The following PTPRN2 variants were observed in gnomAD, a reference collection of about 807,000 sequenced individuals.
PTPRN2 encodes the protein protein tyrosine phosphatase receptor type N2, also known as receptor-type tyrosine-protein phosphatase N2.
A neutral mutation model predicts 118.8 loss-of-function variants in PTPRN2; 74 were observed. The ratio of observed to expected loss-of-function variants is 0.62; its 90% confidence interval spans 0.52 to 0.76. The LOEUF (loss-of-function observed/expected upper bound fraction) is 0.76, where lower values mean the gene tolerates loss of function less well. PTPRN2 is among the 30% of genes least tolerant of loss of function. The pLI is 0.00. For missense variants in PTPRN2, 1,481 were observed against 1,394.4 expected (o/e 1.06, Z -0.99); for synonymous variants, 641 against 608.0 (o/e 1.05, Z -0.80).
chr7:158,463,499 TCAC>T (rs1819156348), intron 2 of PTPRN2, among the ~76,000 whole-genome samples: 1 of 151,940 alleles, frequency 6.6e-6, no homozygotes. Context: ...ACCATTACCA[TCAC>T]CACCATCATC....
chr7:158,217,054 A>T (rs1828004686), intron 3 of PTPRN2, among the ~76,000 whole-genome samples: 1 of 152,268 alleles, frequency 6.6e-6, no homozygotes, highest in African/African-American at 2.4e-5. Flanking sequence ...TGGCACATAC[A>T]GTTAAAACTG....
At chr7:157,806,670 C>T (rs1452775524) in intron 12 of PTPRN2, among the ~76,000 whole-genome samples, 2 of 152,200 alleles carry the variant, frequency 1.3e-5, no homozygotes, top group African/African-American at 2.4e-5. Context: ...TCTGTCTCTG[C>T]ATTCTTACTG....
At chr7:158,212,247 G>T (rs548285978) in intron 3 of PTPRN2, among the ~76,000 whole-genome samples, 60 of 152,110 alleles carry the variant, frequency 3.9e-4, no homozygotes, top group African/African-American at 1.4e-3. Flanking sequence ...GGCAGGGGGC[G>T]GGGGGCAAGT....
intron 2 of PTPRN2, among the ~76,000 whole-genome samples, chr7:158,443,443 G>A (rs766897057): frequency 1.3e-5 from 2 of 152,246 alleles, no homozygotes; most frequent in East Asian, 1.9e-4. Context: ...CCCCACTGAC[G>A]GGTCTGTAAG....
chr7:158,077,938 C>T (rs956224773), intron 11 of PTPRN2, among the ~76,000 whole-genome samples: 2 of 152,140 alleles, frequency 1.3e-5, no homozygotes, highest in Non-Finnish European at 2.9e-5. Context: ...AGCTACCAGT[C>T]ATTTCTATGT....
At chr7:158,522,331 G>A (rs1388928896) in intron 1 of PTPRN2, among the ~76,000 whole-genome samples, 2 of 121,754 alleles carry the variant, frequency 1.6e-5, no homozygotes, top group African/African-American at 3.4e-5. Flanking sequence ...GGCTCGGGAG[G>A]GAGGTCCACG....
At chr7:157,747,393 G>C (rs1412696271) in intron 12 of PTPRN2, among the ~76,000 whole-genome samples, 21 of 104,696 alleles carry the variant, frequency 2.0e-4, no homozygotes, top group African/African-American at 6.4e-4. Flanking sequence ...GTGGGCTGTT[G>C]AGGTGATTCT....
chr7:158,373,262 G>A (rs1416478790), intron 2 of PTPRN2, among the ~76,000 whole-genome samples: 1 of 152,208 alleles, frequency 6.6e-6, no homozygotes, highest in East Asian at 1.9e-4. Context: ...TTGACCTCGG[G>A]GCCCGGCCTA....
In PTPRN2 at chr7:158,519,855, C is replaced by T. The variant is rs186818857; in HGVS notation, c.113-30070G>A. On this transcript the variant is annotated intron_variant, in intron 1 of 22. Transcript: ENST00000389418. ...TGGAAATTCTCCATTTTCCCCACAA[C>T]GCCAGCACGGTCACACTCTGCAAGC... Among the ~76,000 whole-genome samples the T allele has an allele frequency of 1.2e-4, 18 of 152,314 alleles. 1 individual carries two copies. The East Asian group carries it at 1.9e-3, about 16-fold the overall frequency.
intron 15 of PTPRN2, chr7:157,614,165 G>C (rs954799860): frequency 2.2e-6 from 1 of 461,784 alleles, no homozygotes; most frequent in Non-Finnish European, 4.5e-6. Context: ...GGGAGGACAG[G>C]GGAGGGCCAG....
rs1805270397 is a variant in PTPRN2 at position 157,801,133 on chromosome 7, A to G, written c.1788+97540T>C. ...TATATGAATACCCAATACCCAATCC[A>G]CAGCTTTCTCTTTGTGGTGCTTATG... is the stretch of plus-strand genomic sequence containing the variant. On this transcript the variant is annotated intron_variant, in intron 12 of 22. Transcript: ENST00000389418. This position sits in a 1 kb window ranked among gnomAD's most constrained non-coding sequence, Gnocchi z 4.2. Among the ~76,000 whole-genome samples the G allele has an allele frequency of 6.6e-6, 1 of 151,810 alleles. No individual in the cohort carries two copies. Among genetic ancestry groups the G allele is most frequent in the Non-Finnish European group, 1.5e-5 (1 of 67,988 alleles).
At chr7:157,820,015 CACAT>C (rs1806712371) in intron 12 of PTPRN2, among the ~76,000 whole-genome samples, 1 of 151,508 alleles carries the variant, frequency 6.6e-6, no homozygotes, top group Non-Finnish European at 1.5e-5. Context: ...ACTCCACACA[CACAT>C]GCACACACAC....
chr7:158,584,837 C>A (rs769447111), intron 1 of PTPRN2, among the ~76,000 whole-genome samples: 5 of 152,170 alleles, frequency 3.3e-5, no homozygotes, highest in Non-Finnish European at 7.4e-5. Context: ...ATGAGAAAGG[C>A]CCCTTGCTCA....
intron 3 of PTPRN2, among the ~76,000 whole-genome samples, chr7:158,251,396 A>G (rs914148492): frequency 3.3e-5 from 5 of 151,742 alleles, no homozygotes; most frequent in Admixed American, 2.6e-4. Context: ...ATGGATGTAT[A>G]CAGTGCATGT....
rs555190376 is a variant in PTPRN2, at chr7:158,304,910, A to C, written c.277+11909T>G. Among the ~76,000 whole-genome samples, 110 of 152,382 alleles carry C rather than the reference A, an allele frequency of 7.2e-4. 1 individual carries two copies. The highest frequency in any genetic ancestry group is 1.1e-3 in the Admixed American group (17 of 15,308). On this transcript the variant is annotated intron_variant, in intron 3 of 22. Transcript: ENST00000389418. ...GGAAAAGGGATTCTCTACAGAATGT[A>C]GACATTTCCCAGGAGAGACAGCTTT...
At chr7:157,809,147 G>A (rs571746548) in intron 12 of PTPRN2, among the ~76,000 whole-genome samples, 1 of 152,258 alleles carries the variant, frequency 6.6e-6, no homozygotes, top group African/African-American at 2.4e-5. Flanking sequence ...AAGTAAGAAG[G>A]TTTCGAAAGC....
chr7:158,205,053 C>T (rs1427833365), intron 4 of PTPRN2, 118 bp downstream of exon 4: 3 of 880,216 alleles, frequency 3.4e-6, no homozygotes, highest in South Asian at 1.7e-5. Context: ...GAAACGTCTG[C>T]ACCAGAAAGA....
chr7:158,040,736 C>CTTTTTTTTTTTTTTTTT lies in PTPRN2; in HGVS notation c.1723+40561_1723+40562insAAAAAAAAAAAAAAAAA, dbSNP rs58192875. The stretch of plus-strand genomic sequence containing the variant: ...TTGATCTGCCTTTCTTTTTTTCTTT[C>CTTTTTTTTTTTTTTTTT]TTTTTTTTTTTTTTGAGATGGAATC... On this transcript the variant is annotated intron_variant, in intron 11 of 22. Coordinates refer to ENST00000389418, the MANE Select transcript of PTPRN2 (RefSeq NM_002847.5). 2.7e-4 allele frequency among the ~76,000 whole-genome samples: 38 copies of CTTTTTTTTTTTTTTTTT among 142,184 alleles called. 1 individual carries two copies. The highest frequency in any genetic ancestry group is 3.6e-4 in the Non-Finnish European group (24 of 65,884). 93.3% of individuals were successfully genotyped at this position (142,184 alleles called of 152,430 possible).
Position 158,171,308 on chromosome 7 carries a change from CATATATATATATATATATATATATAT to C in PTPRN2, c.550-4043_550-4018del, listed in dbSNP as rs71198580. Among the ~76,000 whole-genome samples, 13 of 48,678 alleles carry C rather than the reference CATATATATATATATATATATATATAT, an allele frequency of 2.7e-4. 1 individual carries two copies. The highest frequency in any genetic ancestry group is 7.0e-4 in the East Asian group (1 of 1,434). 31.9% of individuals were successfully genotyped at this position (48,678 alleles called of 152,430 possible). ...ATATATACACACATATATATACACA[CATATATATATATATATATATATATAT>C]ATATATATATATATACACACACACA... On this transcript the variant is annotated intron_variant, in intron 5 of 22. Transcript: ENST00000389418.
Sources: gnomAD v4.1 joint callset for allele counts (sites outside exome capture counted in the v4.1 genomes callset) on GRCh38, gnomAD v4.1.1 for gene constraint, Gnocchi (gnomAD v3.1) non-coding constraint, MANE v1.5 for transcripts, NCBI Gene and HGNC (gene_info 2026-07-23, HGNC 2026-07-21) for gene names.